Variants in HS6ST2 observed in about 807,000 individuals in gnomAD.
The protein encoded by HS6ST2 is heparan-sulfate 6-O-sulfotransferase 2.
Under a neutral mutation model 33.0 loss-of-function variants are expected in HS6ST2, and 17 were observed. The ratio of observed to expected loss-of-function variants is 0.52; its 90% CI spans 0.35 to 0.77. HS6ST2 has a LOEUF of 0.77. HS6ST2 is among the 30% of genes least tolerant of loss of function. The probability of loss-of-function intolerance (pLI) is 0.01; values close to 1 mark genes in which losing one functional copy is unlikely to be tolerated. For missense variants in HS6ST2, 519 were observed against 551.7 expected, an observed-to-expected ratio of 0.94 and a Z score of 0.59; for synonymous variants, 248 against 237.1, an observed-to-expected ratio of 1.05 and a Z score of -0.42.
chrX:132,657,165 G>T (rs1430501024), intron 4 of HS6ST2, among the ~76,000 whole-genome samples: 1 of 110,987 alleles, frequency 9.0e-6, no homozygotes, highest in Non-Finnish European at 1.9e-5. Context: ...TAGGCATTCA[G>T]TAATGAATGG....
At chrX:132,879,966 C>CA (rs780741803) in intron 2 of HS6ST2, among the ~76,000 whole-genome samples, 1 of 111,032 alleles carries the variant, frequency 9.0e-6, no homozygotes, top group South Asian at 3.9e-4. Flanking sequence ...TACTACACTC[C>CA]AAAAAATACA....
In HS6ST2 at chrX:132,742,404, G is replaced by C. The variant is rs907896277; in HGVS notation, c.948-33910C>G. Among the ~76,000 whole-genome samples the C allele has an allele frequency of 6.3e-5, 7 of 111,928 alleles. No individual in the cohort carries two copies. The South Asian group carries it at 2.6e-3, about 42-fold the overall frequency. On this transcript the variant is annotated intron_variant, in intron 2 of 4. Coordinates refer to ENST00000370833, the MANE Select transcript of HS6ST2 (RefSeq NM_001394073.1). ...CTTGCTTCCCTAAGTCACAGGATGA[G>C]TCAGTTGCCTAGCAGGAAATGGGTT...
intron 2 of HS6ST2, among the ~76,000 whole-genome samples, chrX:132,859,447 A>G (rs752017702): frequency 9.0e-6 from 1 of 111,079 alleles, no homozygotes; most frequent in South Asian, 3.9e-4. Context: ...ATGCACTCGA[A>G]AGAGCCCCAG....
At chrX:132,924,916 A>T (rs1569504157) in intron 2 of HS6ST2, among the ~76,000 whole-genome samples, 1 of 110,868 alleles carries the variant, frequency 9.0e-6, no homozygotes, top group Non-Finnish European at 1.9e-5. Context: ...TGAGCCTGGG[A>T]GTTCGAGACC....
chrX:132,849,241 C>G (rs975544747), intron 2 of HS6ST2, among the ~76,000 whole-genome samples: 2 of 110,850 alleles, frequency 1.8e-5, no homozygotes, highest in African/African-American at 6.6e-5. Context: ...CTCCAGTCCC[C>G]CCAATGGCAA....
chrX:132,638,819 G>A (rs1183160525), intron 4 of HS6ST2, among the ~76,000 whole-genome samples: 1 of 111,922 alleles, frequency 8.9e-6, no homozygotes, highest in Admixed American at 9.5e-5. Context: ...AATCTGAAGA[G>A]GCTGAAGGTC....
At chrX:132,822,058 T>G (rs1452329466) in intron 2 of HS6ST2, among the ~76,000 whole-genome samples, 1 of 111,744 alleles carries the variant, frequency 8.9e-6, no homozygotes, top group Admixed American at 9.5e-5. Context: ...CAATACAAAC[T>G]CATTTAATCT....
chrX:132,897,865 A>G (rs1034274662), intron 2 of HS6ST2, among the ~76,000 whole-genome samples: 1 of 111,584 alleles, frequency 9.0e-6, no homozygotes, highest in South Asian at 3.9e-4. Flanking sequence ...CTGTTGCTAA[A>G]TATCCCCTTA....
rs1490644514 is a variant in HS6ST2, at chrX:132,821,446, T to C, written c.948-112952A>G. ...CCAGGATGGTCTTGATCTCCTGACC[T>C]TGTGATCCGCCCACCTCGGCCTCCC... is the stretch of plus-strand genomic sequence containing the variant. On this transcript the variant is annotated intron_variant, in intron 2 of 4. Transcript: ENST00000370833. 2.7e-5 allele frequency among the ~76,000 whole-genome samples: 3 copies of C among 109,733 alleles called. No individual in the cohort carries two copies. In the East Asian group the frequency reaches 8.7e-4, roughly 32 times the overall value.
At chrX:132,705,712 G>A (rs1449903739) in intron 3 of HS6ST2, among the ~76,000 whole-genome samples, 3 of 111,844 alleles carry the variant, frequency 2.7e-5, no homozygotes, top group African/African-American at 6.5e-5. Flanking sequence ...ATTACCCAAC[G>A]TCACACAGCT....
chrX:132,665,863 C>G (rs895054416), intron 4 of HS6ST2, among the ~76,000 whole-genome samples: 1 of 110,799 alleles, frequency 9.0e-6, no homozygotes, highest in Admixed American at 9.6e-5. Context: ...CAGACATATC[C>G]CATTCCATCT....
At chrX:132,740,037 C>T (rs894997085) in intron 2 of HS6ST2, among the ~76,000 whole-genome samples, 1 of 110,983 alleles carries the variant, frequency 9.0e-6, no homozygotes, top group East Asian at 2.8e-4. Context: ...GGGGTCAAAG[C>T]GCATAGACAT....
chrX:132,953,431 A>G (rs2067036609), intron 2 of HS6ST2, among the ~76,000 whole-genome samples: 1 of 111,730 alleles, frequency 9.0e-6, no homozygotes, highest in Non-Finnish European at 1.9e-5. Context: ...CAGCAGTTAT[A>G]TATCACCCAA....
At chrX:132,810,574 A>G (rs1184703668) in intron 2 of HS6ST2, among the ~76,000 whole-genome samples, 1 of 111,310 alleles carries the variant, frequency 9.0e-6, no homozygotes, top group Non-Finnish European at 1.9e-5. Flanking sequence ...ACCTCTCTAC[A>G]TCCTTGCTAT....
chrX:132,841,538 T>G (rs1430873128), intron 2 of HS6ST2, among the ~76,000 whole-genome samples: 1 of 111,731 alleles, frequency 9.0e-6, no homozygotes, highest in Non-Finnish European at 1.9e-5. Context: ...GGAGCCTTCT[T>G]GCCAGCAATA....
intron 2 of HS6ST2, among the ~76,000 whole-genome samples, chrX:132,801,380 C>T (rs1341505787): frequency 2.7e-5 from 3 of 112,016 alleles, no homozygotes; most frequent in African/African-American, 9.7e-5. Flanking sequence ...CCTCCTTTCT[C>T]TTGTGTTGGA....
At chrX:132,819,878 C>G (rs779079556) in intron 2 of HS6ST2, among the ~76,000 whole-genome samples, 1 of 112,548 alleles carries the variant, frequency 8.9e-6, no homozygotes, top group Non-Finnish European at 1.9e-5. Flanking sequence ...ATAGAGCCCA[C>G]CCAGTAGCTT....
At chrX:132,807,995 TGGC>T (rs1034905320) in intron 2 of HS6ST2, among the ~76,000 whole-genome samples, 3 of 112,054 alleles carry the variant, frequency 2.7e-5, no homozygotes, top group Non-Finnish European at 5.6e-5. Flanking sequence ...CCAATTTGGC[TGGC>T]TTGGTGCATT....
chrX:132,802,649 C>G (rs753510065), intron 2 of HS6ST2, among the ~76,000 whole-genome samples: 16 of 110,623 alleles, frequency 1.4e-4, no homozygotes, highest in Non-Finnish European at 2.8e-4. Context: ...AAAATGCACT[C>G]AGATACTGCC....
Sources: allele counts gnomAD v4.1 joint callset (sites outside exome capture counted in the v4.1 genomes callset), GRCh38; gene constraint gnomAD v4.1.1; transcripts MANE v1.5; gene names NCBI Gene and HGNC (gene_info 2026-07-23, HGNC 2026-07-21).